CACNA1A: variants seen among roughly 807,000 people sequenced by gnomAD.
CACNA1A encodes the protein voltage-dependent P/Q-type calcium channel subunit alpha-1A.
Under a neutral mutation model 262.4 loss-of-function variants are expected in CACNA1A, and 57 were observed. The ratio of observed to expected loss-of-function variants is 0.22; its 90% confidence interval spans 0.18 to 0.27. CACNA1A has a LOEUF of 0.27. CACNA1A is among the 10% of genes least tolerant of loss of function. The pLI, the probability that CACNA1A is intolerant of heterozygous loss-of-function variation, is 1.00. For missense variants in CACNA1A, 2,526 were observed against 3,562.8 expected (o/e 0.71, Z 7.41); for synonymous variants, 1,431 against 1,419.3 (o/e 1.01, Z -0.18).
intron 9 of CACNA1A, among the ~76,000 whole-genome samples, chr19:13,331,660 CTATCTCTAAATTCTTTT>C (rs2058470710): frequency 6.7e-6 from 1 of 149,176 alleles, no homozygotes; most frequent in Admixed American, 6.8e-5. Context: ...TTATTCTGGC[CTATCTCTAAATTCTTTT>C]TTTTTCTTTT....
At chr19:13,291,633 TA>T (rs3981952) in intron 19 of CACNA1A, among the ~76,000 whole-genome samples, 253 of 97,338 alleles carry the variant, frequency 2.6e-3, no homozygotes, top group Middle Eastern at 0.011. Flanking sequence ...ACCCCATCTC[TA>T]AAAAAAAAAA....
chr19:13,429,814 C>T (rs890028842), intron 3 of CACNA1A, among the ~76,000 whole-genome samples: 1 of 151,682 alleles, frequency 6.6e-6, no homozygotes, highest in Non-Finnish European at 1.5e-5. Context: ...ACTCATGCTA[C>T]AATATGGATG....
intron 19 of CACNA1A, among the ~76,000 whole-genome samples, chr19:13,289,829 T>A (rs1343811244): frequency 6.6e-6 from 1 of 151,938 alleles, no homozygotes; most frequent in African/African-American, 2.4e-5. Context: ...GGAACGTCTA[T>A]CCTATGCCTG....
intron 24 of CACNA1A, among the ~76,000 whole-genome samples, chr19:13,267,051 A>G (rs7249323): frequency 0.43 from 65,810 of 151,854 alleles, 15,877 homozygotes; most frequent in South Asian, 0.63. Flanking sequence ...GGACAGCGGC[A>G]GCAAGGACAC....
chr19:13,228,667 T>C (rs2055559674), intron 36 of CACNA1A: 1 of 1,093,696 alleles, frequency 9.1e-7, no homozygotes, highest in Non-Finnish European at 1.3e-6. Flanking sequence ...ACTCATTCCA[T>C]GGATGCTAGC....
In CACNA1A at chr19:13,207,660, C is replaced by T. The variant is rs1211770312; in HGVS notation, c.7174G>A (p.Ala2392Thr). 1.4e-6 allele frequency: 2 copies of T among 1,444,640 alleles called. No homozygotes were observed. 89.5% of individuals were successfully genotyped at this position (1,444,640 alleles called of 1,614,324 possible). Residue 2392 changes from alanine to threonine, a missense_variant, in exon 47 of 47, where the codon GCA becomes ACA. Ala to Thr is a moderately conservative substitution (Grantham distance 58). Around this residue, in one of 17 missense-constraint regions of CACNA1A, gnomAD observed 929 missense variants for 868.1 expected, o/e 1.07. Transcript: ENST00000360228. This position sits in a 1 kb window ranked among gnomAD's most constrained non-coding sequence, Gnocchi z 5.7. ...CCCTCGGACACGTGCGGGCCAGATG[C>T]CGGCCACCGGGCCCCGCCGTGTCGA... ...ACRHGGARWP[A>T]SGPHVSEGPP...
intron 3 of CACNA1A, among the ~76,000 whole-genome samples, chr19:13,395,039 C>T (rs1358628962): frequency 3.3e-5 from 5 of 152,018 alleles, no homozygotes; most frequent in African/African-American, 1.2e-4. Flanking sequence ...TTTGGGAGGC[C>T]GACGTGGGTG....
intron 31 of CACNA1A, among the ~76,000 whole-genome samples, chr19:13,239,701 G>C (rs2144666933): frequency 6.6e-6 from 1 of 152,258 alleles, no homozygotes; most frequent in Admixed American, 6.5e-5. Flanking sequence ...GTGTGCAAGG[G>C]GCTGAGAAGT....
intron 3 of CACNA1A, among the ~76,000 whole-genome samples, chr19:13,447,743 G>A (rs115058327): frequency 0.023 from 3,467 of 152,238 alleles, 125 homozygotes; most frequent in African/African-American, 0.078. Flanking sequence ...AAAAGCTGAA[G>A]AACTTGGAAT....
rs1360738184 is a variant in CACNA1A at position 13,275,972 on chromosome 19, G to C, written c.3883-16C>G. The C allele has an allele frequency of 1.3e-6, 2 of 1,576,588 alleles. No homozygotes were observed. The highest frequency in any genetic ancestry group is 1.3e-5 in the African/African-American group (1 of 74,160). On this transcript the variant is annotated splice_polypyrimidine_tract_variant and intron_variant, in intron 23 of 46. Transcript: ENST00000360228. ...GGTCAATCATCTGTGGGGGAGAAGA[G>C]AGGGTGCTCAGAACCCCCACCTGAT...
rs780939329 is a variant in CACNA1A, at chr19:13,235,725, G to A, written c.4956C>T (p.Asn1652=). 3 of 1,612,430 alleles carry A rather than the reference G, an allele frequency of 1.9e-6. No individual in the cohort carries two copies. The East Asian group carries it at 6.7e-5, about 36-fold the overall frequency. ...TDILVTEFGN[N]FINLSFLRLF... is the part of the protein sequence containing the mutation. Reference sequence around the variant, plus strand: ...GGCGGAGAAAGCTCAGGTTGATGAAGTTATTCTGGGGAGATGGAGGAAGAG... The same window carrying A: ...GGCGGAGAAAGCTCAGGTTGATGAAATTATTCTGGGGAGATGGAGGAAGAG... The change falls in exon 32 of 47, where the codon AAC becomes AAT. Residue 1652 remains asparagine (N), a synonymous_variant. Coordinates refer to ENST00000360228, the MANE Select transcript of CACNA1A (RefSeq NM_001127222.2).
At chr19:13,367,453 T>C (rs1479161148) in intron 4 of CACNA1A, among the ~76,000 whole-genome samples, 11 of 150,594 alleles carry the variant, frequency 7.3e-5, no homozygotes, top group African/African-American at 1.5e-4. Context: ...GGGGGCCAGG[T>C]GTGGTGGCTC....
chr19:13,453,809 AT>A (rs958727794), intron 2 of CACNA1A, among the ~76,000 whole-genome samples: 21 of 150,474 alleles, frequency 1.4e-4, no homozygotes, highest in South Asian at 4.2e-4. Context: ...TGCCTGAATG[AT>A]TTTTTTTTTC....
At chr19:13,347,310 G>T (rs1382035675) in intron 6 of CACNA1A, among the ~76,000 whole-genome samples, 1 of 151,784 alleles carries the variant, frequency 6.6e-6, no homozygotes, top group African/African-American at 2.4e-5. Flanking sequence ...GGATCCTCCT[G>T]CCTCAGCCTC....
intron 21 of CACNA1A, 142 bp downstream of exon 21, chr19:13,284,926 G>A (rs944036045): frequency 2.9e-6 from 2 of 694,176 alleles, no homozygotes; most frequent in African/African-American, 1.8e-5. Context: ...CTTACGGAAG[G>A]AGCATCCATT....
chr19:13,457,848 C>A (rs1285721890), intron 1 of CACNA1A, among the ~76,000 whole-genome samples: 18 of 127,494 alleles, frequency 1.4e-4, no homozygotes, highest in Non-Finnish European at 2.3e-4. Flanking sequence ...AGCAAAACTC[C>A]GTTTCAAAAA....
chr19:13,296,845 G>A (rs960507806), intron 19 of CACNA1A, among the ~76,000 whole-genome samples: 2 of 152,098 alleles, frequency 1.3e-5, no homozygotes, highest in African/African-American at 4.8e-5. Context: ...TCATAGCCTA[G>A]ACATCCTGGG....
chr19:13,467,964 ATGAG>A (rs1181599026), intron 1 of CACNA1A, among the ~76,000 whole-genome samples: 3 of 133,246 alleles, frequency 2.3e-5, no homozygotes, highest in Non-Finnish European at 4.5e-5. Flanking sequence ...AAAAAGTGAG[ATGAG>A]TGAGTGTGTG....
At chr19:13,352,403 CA>C (rs202072454) in intron 6 of CACNA1A, among the ~76,000 whole-genome samples, 13,582 of 82,468 alleles carry the variant, frequency 0.16, 745 homozygotes, top group East Asian at 0.44. Flanking sequence ...GACTCCATCT[CA>C]AAAAAAAAAA....
Sources: gnomAD v4.1 joint callset for allele counts (sites outside exome capture counted in the v4.1 genomes callset) on GRCh38, gnomAD v4.1.1 for gene constraint, gnomAD v4.1.1 regional missense constraint, Gnocchi (gnomAD v3.1) non-coding constraint, MANE v1.5 for transcripts, NCBI Gene and HGNC (gene_info 2026-07-23, HGNC 2026-07-21) for gene names.